KCP: variants seen among roughly 807,000 people sequenced by gnomAD.
The protein encoded by KCP is kielin cysteine rich BMP regulator.
KCP carries 194 observed loss-of-function variants against 212.7 expected under a neutral mutation model. That is an observed-to-expected ratio of 0.91 (90% CI 0.81 to 1.03). The LOEUF (loss-of-function observed/expected upper bound fraction) is 1.03. Among genes scored for constraint, KCP ranks in the 50% least tolerant of loss-of-function variants. KCP has a pLI of 0.00. For synonymous variants in KCP, 833 were observed against 865.3 expected, an observed-to-expected ratio of 0.96 and a Z score of 0.65; for missense variants, 2,080 against 2,162.5, an observed-to-expected ratio of 0.96 and a Z score of 0.76.
intron 1 of KCP, among the ~76,000 whole-genome samples, chr7:128,909,318 G>A (rs1326901265): frequency 6.6e-6 from 1 of 152,134 alleles, no homozygotes; most frequent in Non-Finnish European, 1.5e-5. Flanking sequence ...GGAGGGAGAG[G>A]GATGGGTCTT....
Position 128,894,263 on chromosome 7 carries a change from A to G in KCP, c.862T>C (p.Cys288Arg). ...EGHIQCRQRE[C>R]ASLCPYPARP... ...GCTGGGTATGGACACAGGCTGGCACATTCTCGCTGGCGGCACTGGATGTGA... is the reference window on the plus strand; with the variant it reads ...GCTGGGTATGGACACAGGCTGGCACGTTCTCGCTGGCGGCACTGGATGTGA... Residue 288 changes from cysteine (C) to arginine (R), a missense_variant, in exon 9 of 40, where the codon TGT becomes CGT. By Grantham distance (180) the Cys-to-Arg change is radical (BLOSUM62 -3). Transcript: ENST00000610776. 2 of 1,544,338 alleles carry G rather than the reference A, an allele frequency of 1.3e-6. No individual in the cohort carries two copies. The highest frequency in any genetic ancestry group is 1.8e-6 in the Non-Finnish European group (2 of 1,142,258).
chr7:128,908,603 G>GT, intron 1 of KCP, 35 bp from the exon 2 acceptor site: 1 of 1,538,934 alleles, frequency 6.5e-7, no homozygotes, highest in Non-Finnish European at 8.8e-7. Context: ...GGGCCTGAGG[G>GT]TGAGGGGCTG....
At chr7:128,882,076 A>C in intron 29 of KCP, 60 bp from the exon 30 acceptor site, 1 of 1,321,120 alleles carries the variant, frequency 7.6e-7, no homozygotes, top group Non-Finnish European at 1.1e-6. Flanking sequence ...TGGAAATCCC[A>C]GCTGTCCCCA....
intron 8 of KCP, among the ~76,000 whole-genome samples, chr7:128,900,737 G>A (rs892209592): frequency 1.3e-5 from 2 of 152,192 alleles, no homozygotes; most frequent in African/African-American, 4.8e-5. Flanking sequence ...AAGCACCTCT[G>A]TACCCTGAAC....
intron 8 of KCP, among the ~76,000 whole-genome samples, chr7:128,899,522 CATT>C (rs1310877096): frequency 6.6e-6 from 1 of 152,128 alleles, no homozygotes; most frequent in Non-Finnish European, 1.5e-5. Context: ...TGGACTCTGA[CATT>C]ATCTATTTGA....
At chr7:128,888,011 CCA>C (rs1189209044) in intron 22 of KCP, among the ~76,000 whole-genome samples, 1 of 129,068 alleles carries the variant, frequency 7.7e-6, no homozygotes, top group Non-Finnish European at 1.7e-5. Context: ...ACATACACAC[CCA>C]CACACAGCCA....
intron 22 of KCP, 106 bp from the exon 23 acceptor site, chr7:128,887,406 GACACACACATAGCCAC>G (rs1793725652): frequency 2.4e-6 from 2 of 817,964 alleles, no homozygotes; most frequent in African/African-American, 1.9e-5. Context: ...CACAGCCACA[GACACACACATAGCCAC>G]ACACACACAT....
rs1350910593 is a variant in KCP, at chr7:128,893,965, G to T, written c.1005+11C>A. On this transcript the variant is annotated intron_variant, in intron 10 of 39. Transcript: ENST00000610776. ...GGAGCCAGGCCCTCCCTGCCAGGCAGCCACACTCACAGCACAGCGGCAGTG... is the reference window on the plus strand; with the variant it reads ...GGAGCCAGGCCCTCCCTGCCAGGCATCCACACTCACAGCACAGCGGCAGTG... The T allele has an allele frequency of 6.5e-7, 1 of 1,549,548 alleles. No homozygotes were observed. The highest frequency in any genetic ancestry group is 8.7e-7 in the Non-Finnish European group (1 of 1,145,964).
Position 128,891,016 on chromosome 7 carries a change from G to C in KCP, c.2053C>G (p.Pro685Ala). The part of the protein sequence containing the change: ...HQEYFSPPGD[P>A]CRRCLCLDGS... ...TCGAGGCAGAGGCAGCGGCGGCAGG[G>C]ATCGCCGGGCGGGGAGAAGTACTCC... is the stretch of plus-strand genomic sequence containing the variant. The change falls in exon 20 of 40, where the codon CCC (proline) becomes GCC (alanine). Residue 685 changes from proline (P) to alanine (A), a missense_variant. Pro to Ala is a conservative substitution (Grantham distance 27). Transcript: ENST00000610776. 7.4e-7 allele frequency: 1 copy of C among 1,347,638 alleles called. No individual in the cohort carries two copies. Among genetic ancestry groups the C allele is most frequent in the Non-Finnish European group, 9.5e-7 (1 of 1,055,230 alleles). 83.5% of individuals were successfully genotyped at this position (1,347,638 alleles called of 1,614,324 possible).
At chr7:128,890,082 C>T in intron 21 of KCP, 1 of 537,078 alleles carries the variant, frequency 1.9e-6, no homozygotes. Flanking sequence ...CCACGACCAG[C>T]TGATTTTAAA....
At chr7:128,896,905 A>G (rs1162957109) in intron 8 of KCP, among the ~76,000 whole-genome samples, 1 of 151,494 alleles carries the variant, frequency 6.6e-6, no homozygotes, top group East Asian at 1.9e-4. Flanking sequence ...AAAAAAAAAA[A>G]AAAAAAAAAA....
At chr7:128,893,202 G>A (rs770670528) in intron 13 of KCP, 36 bp downstream of exon 13, 15 of 1,535,360 alleles carry the variant, frequency 9.8e-6, no homozygotes, top group Middle Eastern at 1.9e-4. Flanking sequence ...CAGAGGCAGC[G>A]CCCATAGCAG....
At chr7:128,908,355 A>C in intron 2 of KCP, 71 bp downstream of exon 2, 3 of 1,444,288 alleles carry the variant, frequency 2.1e-6, no homozygotes, top group Non-Finnish European at 2.8e-6. Context: ...CTCCAAGCCT[A>C]ACTCCTTCTC....
At position 128,894,283 on chromosome 7, in the gene KCP, A is replaced by G; in HGVS notation, c.842T>C (p.Ile281Thr). The change falls in exon 9 of 40, where the codon ATC becomes ACC. Residue 281 changes from isoleucine to threonine, a missense_variant. Physicochemically the swap from Ile to Thr is moderately conservative, Grantham distance 89 (BLOSUM62 -1). Transcript: ENST00000610776. ...CRICRCLEGH[I>T]QCRQRECASL... ...GGCACATTCTCGCTGGCGGCACTGG[A>G]TGTGACCCTCCTGGTGGGGAGAATG... 1 of 1,540,272 alleles carries G rather than the reference A, an allele frequency of 6.5e-7. No homozygotes were observed. Among genetic ancestry groups the G allele is most frequent in the Non-Finnish European group, 8.8e-7 (1 of 1,139,688 alleles).
chr7:128,885,887 T>C (rs1274426872), intron 26 of KCP, among the ~76,000 whole-genome samples: 2 of 148,742 alleles, frequency 1.3e-5, no homozygotes, highest in Non-Finnish European at 3.0e-5. Flanking sequence ...GTCTGTAAAA[T>C]AGGAGGACTA....
intron 32 of KCP, 67 bp downstream of exon 32, chr7:128,880,929 AG>A (rs1793291934): frequency 2.5e-6 from 1 of 398,844 alleles, no homozygotes; most frequent in African/African-American, 2.1e-5. Context: ...CTGCTGGTGG[AG>A]TGTTGGACAC....
rs781507508 is a variant in KCP at position 128,886,950 on chromosome 7, CAGCG to C, written c.2611_2614del (p.Arg871AlafsTer213). On this transcript the variant is annotated frameshift_variant, in exon 24 of 40. Coordinates refer to ENST00000610776, the MANE Select transcript of KCP (RefSeq NM_001366122.1). LOFTEE classifies it high-confidence loss of function. ...AGCTGGGGGACATGGCTTCTTCTGG[CAGCG>C]CATGGAACCTTCCTGGGGGAGAGAG... 3 of 1,525,554 alleles carry C rather than the reference CAGCG, an allele frequency of 2.0e-6. No individual in the cohort carries two copies. In the South Asian group the frequency reaches 3.6e-5, roughly 18 times the overall value. The allele number at this position is 1,525,554 out of a possible 1,614,324, so 94.5% of individuals were successfully genotyped here. A position where few individuals can be genotyped will look rare whatever the true frequency, so the allele number is the denominator to read the frequency against.
intron 31 of KCP, among the ~76,000 whole-genome samples, 176 bp from the exon 32 acceptor site, chr7:128,881,261 C>G (rs890350066): frequency 6.6e-6 from 1 of 152,260 alleles, no homozygotes; most frequent in Non-Finnish European, 1.5e-5. Flanking sequence ...GGCCTCACAT[C>G]AGAGCTCAGG....
At position 128,894,276 on chromosome 7, in the gene KCP, G is replaced by C; in HGVS notation, c.849C>G (p.Cys283Trp). Residue 283 changes from cysteine to tryptophan, a missense_variant, in exon 9 of 40, where the codon TGC becomes TGG. Physicochemically the swap from Cys to Trp is radical, Grantham distance 215. Transcript: ENST00000610776. ...ICRCLEGHIQ[C>W]RQRECASLCP... Reference sequence around the variant, plus strand: ...ACAGGCTGGCACATTCTCGCTGGCGGCACTGGATGTGACCCTCCTGGTGGG... The same window carrying C: ...ACAGGCTGGCACATTCTCGCTGGCGCCACTGGATGTGACCCTCCTGGTGGG... The C allele has an allele frequency of 6.5e-7, 1 of 1,542,810 alleles. No individual in the cohort carries two copies. The highest frequency in any genetic ancestry group is 8.8e-7 in the Non-Finnish European group (1 of 1,141,240).
Sources: allele counts gnomAD v4.1 joint callset (sites outside exome capture counted in the v4.1 genomes callset), GRCh38; gene constraint gnomAD v4.1.1; transcripts MANE v1.5; gene names NCBI Gene and HGNC (gene_info 2026-07-23, HGNC 2026-07-21).